The following PPP2R2C variants were observed in gnomAD, a reference collection of about 807,000 sequenced individuals.
The protein encoded by PPP2R2C is protein phosphatase 2 regulatory subunit Bgamma, also known as protein phosphatase 2, regulatory subunit B, gamma.
PPP2R2C carries 10 observed loss-of-function variants against 45.3 expected under a neutral mutation model. The observed-to-expected ratio is 0.22, with a 90% CI of 0.14 to 0.37. The LOEUF (loss-of-function observed/expected upper bound fraction) is 0.37. PPP2R2C is among the 10% of genes least tolerant of loss of function. The pLI is 1.00. For synonymous variants in PPP2R2C, 257 were observed against 245.4 expected (o/e 1.05, Z -0.44); for missense variants, 308 against 619.7 (o/e 0.50, Z 5.34).
intron 5 of PPP2R2C, among the ~76,000 whole-genome samples, chr4:6,359,480 A>G (rs1191616727): frequency 6.6e-6 from 1 of 152,182 alleles, no homozygotes; most frequent in Non-Finnish European, 1.5e-5. Flanking sequence ...TGTACCCTAG[A>G]ACTTAAATAA....
rs113642173 is a variant in PPP2R2C at position 6,530,150 on chromosome 4, G to T, written c.49+5121C>A. Among the ~76,000 whole-genome samples the T allele has an allele frequency of 2.7e-3, 406 of 152,220 alleles. 4 individuals are homozygous for T. Among genetic ancestry groups the T allele is most frequent in the African/African-American group, 9.4e-3 (389 of 41,520 alleles). On this transcript the variant is annotated intron_variant, in intron 2 of 9. Coordinates refer to the PPP2R2C transcript ENST00000506140. ...TACTCTGGGCCAGGCTCTGCCCTTAGCACCGCCCATGGAATATGACGTCTT... is the reference window on the plus strand; with the variant it reads ...TACTCTGGGCCAGGCTCTGCCCTTATCACCGCCCATGGAATATGACGTCTT...
intron 1 of PPP2R2C, among the ~76,000 whole-genome samples, chr4:6,386,683 C>T (rs974875587): frequency 6.6e-6 from 1 of 151,946 alleles, no homozygotes; most frequent in African/African-American, 2.4e-5. Context: ...AGGATATCAT[C>T]CAAAATTATA....
At chr4:6,519,467 C>T (rs1258295303) in intron 2 of PPP2R2C, among the ~76,000 whole-genome samples, 2 of 152,186 alleles carry the variant, frequency 1.3e-5, no homozygotes, top group South Asian at 2.1e-4. Flanking sequence ...GCTCCCCAGC[C>T]CCAGCTCCCG....
Position 6,329,865 on chromosome 4 carries a change from G to A in PPP2R2C, c.961-512C>T, listed in dbSNP as rs907400233. ...CTTGGACAAGTGATTTCATCTCTCT[G>A]AGCCTCAGTTTCTTCAAACTTAAAG... is the stretch of plus-strand genomic sequence containing the variant. On this transcript the variant is annotated intron_variant, in intron 7 of 8. Transcript: ENST00000382599. The surrounding 1 kb of genome is among the most constrained non-coding windows in gnomAD (Gnocchi z 5.8). Among the ~76,000 whole-genome samples the A allele has an allele frequency of 2.6e-5, 4 of 152,072 alleles. No individual in the cohort carries two copies. Among genetic ancestry groups the A allele is most frequent in the African/African-American group, 7.2e-5 (3 of 41,382 alleles).
chr4:6,463,072 G>A (rs1420942735), intron 1 of PPP2R2C, among the ~76,000 whole-genome samples: 2 of 152,202 alleles, frequency 1.3e-5, no homozygotes, highest in African/African-American at 4.8e-5. Context: ...TTGAAAGTTT[G>A]CATCAAAACT....
At chr4:6,382,711 A>G in intron 1 of PPP2R2C, 1 of 348,038 alleles carries the variant, frequency 2.9e-6, no homozygotes, top group Non-Finnish European at 4.5e-6. Context: ...ACACACACAC[A>G]CACACCCCAC....
intron 1 of PPP2R2C, chr4:6,384,028 A>T (rs1716048323): frequency 1.0e-6 from 1 of 985,428 alleles, no homozygotes; most frequent in Admixed American, 6.1e-5. Flanking sequence ...GAACTTAAAA[A>T]GACAAGATAA....
chr4:6,489,409 G>A (rs1186117118), intron 2 of PPP2R2C, among the ~76,000 whole-genome samples: 3 of 152,082 alleles, frequency 2.0e-5, no homozygotes, highest in Non-Finnish European at 4.4e-5. Flanking sequence ...GTAAGTGGCA[G>A]GTACCTCCTA....
chr4:6,347,753 C>G, intron 6 of PPP2R2C, 93 bp downstream of exon 6: 3 of 1,444,432 alleles, frequency 2.1e-6, no homozygotes, highest in Non-Finnish European at 2.8e-6. Context: ...CATCCCACAC[C>G]CACCACCCCT....
intron 2 of PPP2R2C, among the ~76,000 whole-genome samples, chr4:6,510,416 C>T (rs1307319577): frequency 6.6e-6 from 1 of 152,194 alleles, no homozygotes; most frequent in African/African-American, 2.4e-5. Context: ...GACATCCAGC[C>T]TCAAATGGCC....
chr4:6,500,527 G>T (rs927113034), intron 2 of PPP2R2C, among the ~76,000 whole-genome samples: 1 of 152,236 alleles, frequency 6.6e-6, no homozygotes, highest in Admixed American at 6.5e-5. Context: ...ACTCCAAGCT[G>T]TCGGCCTTGG....
chr4:6,561,286 T>C (rs1725571548), intron 1 of PPP2R2C, among the ~76,000 whole-genome samples: 2 of 152,116 alleles, frequency 1.3e-5, no homozygotes, highest in Admixed American at 1.3e-4. Flanking sequence ...CCTGCAAGCA[T>C]CCCCATGCCC....
At chr4:6,424,441 C>T in intron 1 of PPP2R2C, among the ~76,000 whole-genome samples, 1 of 152,198 alleles carries the variant, frequency 6.6e-6, no homozygotes, top group South Asian at 2.1e-4. Flanking sequence ...GTCCTCCATT[C>T]AAGCCACCGG....
intron 2 of PPP2R2C, among the ~76,000 whole-genome samples, chr4:6,477,680 C>CAT: frequency 6.9e-6 from 1 of 144,190 alleles, no homozygotes; most frequent in African/African-American, 2.6e-5. Context: ...GAGCCAAGAT[C>CAT]GCGGCACTGT....
chr4:6,482,683 A>T (rs554849138), intron 2 of PPP2R2C, among the ~76,000 whole-genome samples: 1 of 152,324 alleles, frequency 6.6e-6, no homozygotes, highest in East Asian at 1.9e-4. Context: ...TGTCATCTGC[A>T]ATTAAACACA....
At chr4:6,394,651 C>T (rs567028193) in intron 1 of PPP2R2C, among the ~76,000 whole-genome samples, 27 of 152,312 alleles carry the variant, frequency 1.8e-4, no homozygotes, top group African/African-American at 6.5e-4. Context: ...GGATGGGGGG[C>T]ATGGAGGCCT....
intron 2 of PPP2R2C, among the ~76,000 whole-genome samples, chr4:6,485,915 C>G (rs1051312581): frequency 6.6e-6 from 1 of 151,502 alleles, no homozygotes; most frequent in Non-Finnish European, 1.5e-5. Flanking sequence ...TTACTATTTC[C>G]TCTCTTCTGC....
At chr4:6,456,072 C>A (rs73207830) in intron 1 of PPP2R2C, among the ~76,000 whole-genome samples, 227 of 152,240 alleles carry the variant, frequency 1.5e-3, no homozygotes, top group African/African-American at 5.3e-3. Context: ...CAACACTAAT[C>A]GGATCAATGA....
chr4:6,518,985 A>C (rs982568343), intron 2 of PPP2R2C, among the ~76,000 whole-genome samples: 4 of 151,510 alleles, frequency 2.6e-5, no homozygotes, highest in Admixed American at 2.6e-4. Flanking sequence ...AAGAAATGGA[A>C]CCAACAATTT....
Sources: allele counts gnomAD v4.1 joint callset (sites outside exome capture counted in the v4.1 genomes callset), GRCh38; gene constraint gnomAD v4.1.1; non-coding constraint Gnocchi (gnomAD v3.1); transcripts MANE v1.5; gene names NCBI Gene and HGNC (gene_info 2026-07-23, HGNC 2026-07-21).